The following TRPM6 variants were observed in gnomAD, a reference collection of about 807,000 sequenced individuals.
The protein encoded by TRPM6 is channel kinase 2.
TRPM6 carries 111 observed loss-of-function variants against 247.6 expected under a neutral mutation model. The ratio of observed to expected loss-of-function variants is 0.45; its 90% CI spans 0.38 to 0.52. The LOEUF is 0.52. TRPM6 is among the 20% of genes least tolerant of loss of function. The probability of loss-of-function intolerance (pLI) is 0.00; values close to 1 mark genes in which losing one functional copy is unlikely to be tolerated. For missense variants in TRPM6, 2,126 were observed against 2,421.5 expected (o/e 0.88, Z 2.56); for synonymous variants, 892 against 853.8 (o/e 1.04, Z -0.78).
intron 1 of TRPM6, among the ~76,000 whole-genome samples, chr9:74,859,888 C>T: frequency 6.6e-6 from 1 of 152,116 alleles, no homozygotes; most frequent in East Asian, 1.9e-4. Flanking sequence ...CACGTCAGTG[C>T]AGTCCCCACC....
At chr9:74,798,902 A>G (rs1413710518) in intron 17 of TRPM6, among the ~76,000 whole-genome samples, 1 of 152,200 alleles carries the variant, frequency 6.6e-6, no homozygotes, top group African/African-American at 2.4e-5. Context: ...GAATTCATTA[A>G]GTTCTCAGAA....
At chr9:74,752,832 G>T (rs928379946) in intron 28 of TRPM6, among the ~76,000 whole-genome samples, 4 of 152,066 alleles carry the variant, frequency 2.6e-5, no homozygotes, top group African/African-American at 9.7e-5. Context: ...AATAATAGAG[G>T]CCAGGCGCCG....
In TRPM6 at chr9:74,728,223, A is replaced by G. The variant is rs1304944329; in HGVS notation, c.5935+16T>C. The G allele has an allele frequency of 1.3e-6, 2 of 1,577,382 alleles. No individual in the cohort carries two copies. The highest frequency in any genetic ancestry group is 1.1e-5 in the South Asian group (1 of 90,234). On this transcript the variant is annotated intron_variant, in intron 38 of 38. Coordinates refer to ENST00000360774, the MANE Select transcript of TRPM6 (RefSeq NM_017662.5). ...GAGAGATTTACTTAGAGAAAAAAGA[A>G]CTGTTAGTGGCATACCCGGGAGTTT...
rs368851886 is a variant in TRPM6, at chr9:74,775,956, G to T, written c.3330C>A (p.His1110Gln). 65 of 1,614,080 alleles carry T rather than the reference G, an allele frequency of 4.0e-5. No homozygotes were observed. Among genetic ancestry groups the T allele is most frequent in the Admixed American group, 3.2e-4 (19 of 59,994 alleles). The change falls in exon 24 of 39, where the codon CAC (histidine) becomes CAA (glutamine). Residue 1110 changes from histidine (H) to glutamine (Q), a missense_variant. By Grantham distance (24) the His-to-Gln change is conservative. Transcript: ENST00000360774. Reference protein sequence around the residue: ...WLPPPLILLSHVGLLLRRLCC... With the variant: ...WLPPPLILLSQVGLLLRRLCC... ...ACAGGCGGCGGAGGAGAAGGCCCAC[G>T]TGGCTCAGCAGGATGAGAGGTGGGG... is the stretch of plus-strand genomic sequence containing the variant.
At chr9:74,731,793 G>T (rs139247995) in intron 37 of TRPM6, among the ~76,000 whole-genome samples, 26 of 151,722 alleles carry the variant, frequency 1.7e-4, no homozygotes, top group African/African-American at 6.3e-4. Context: ...ATGTATGCTG[G>T]CAGTTCTCAA....
At chr9:74,826,736 C>CTTTTTTTTTTTTTTTTT (rs561369498) in intron 7 of TRPM6, 1 of 52,074 alleles carries the variant, frequency 1.9e-5, no homozygotes, top group Admixed American at 2.2e-4. Flanking sequence ...CTTTTTCTTT[C>CTTTTTTTTTTTTTTTTT]TTTTTTTTTT....
chr9:74,728,491 A>G, intron 37 of TRPM6, 146 bp from the exon 38 acceptor site: 1 of 674,316 alleles, frequency 1.5e-6, no homozygotes, highest in Non-Finnish European at 2.6e-6. Flanking sequence ...GGGAAACAAC[A>G]ATGTTAGGTT....
Position 74,775,925 on chromosome 9 carries a change from G to A in TRPM6, c.3361C>T (p.His1121Tyr). 1 of 1,614,178 alleles carries A rather than the reference G, an allele frequency of 6.2e-7. No individual in the cohort carries two copies. Among genetic ancestry groups the A allele is most frequent in the East Asian group, 2.2e-5 (1 of 44,870 alleles). ...TCTTCTTGGTCGTGAGGAGCTCGAT[G>A]ACAGCACAGGCGGCGGAGGAGAAGG... ...VGLLLRRLCC[H>Y]RAPHDQEEGD... Residue 1121 changes from histidine (H) to tyrosine (Y), a missense_variant, in exon 24 of 39, where the codon CAT becomes TAT. Around this residue, in one of 3 missense-constraint regions of TRPM6, gnomAD observed 717 missense variants for 715.9 expected, o/e 1.00. Transcript: ENST00000360774.
intron 24 of TRPM6, 68 bp from the exon 25 acceptor site, chr9:74,771,903 C>T: frequency 6.9e-7 from 1 of 1,449,130 alleles, no homozygotes; most frequent in Non-Finnish European, 9.7e-7. Context: ...GCTTTTCTTC[C>T]ACTTGTATTG....
At chr9:74,775,765 G>A (rs866110502) in intron 24 of TRPM6, 118 bp downstream of exon 24, 1 of 1,019,444 alleles carries the variant, frequency 9.8e-7, no homozygotes, top group East Asian at 2.4e-5. Flanking sequence ...ATATTCTATT[G>A]TCAGGGAACT....
At chr9:74,872,679 A>T (rs1050372460) in intron 1 of TRPM6, among the ~76,000 whole-genome samples, 8 of 151,818 alleles carry the variant, frequency 5.3e-5, no homozygotes, top group Non-Finnish European at 1.0e-4. Context: ...TGTCTTGGCC[A>T]GGCTGATTTC....
At chr9:74,812,566 GAA>G (rs34491796) in intron 11 of TRPM6, 133 bp from the exon 12 acceptor site, 4,994 of 626,962 alleles carry the variant, frequency 8.0e-3, no homozygotes, top group Non-Finnish European at 8.9e-3. Context: ...AGTGGGTACA[GAA>G]AAAAAAAAAA....
intron 25 of TRPM6, among the ~76,000 whole-genome samples, chr9:74,766,488 T>C (rs781188079): frequency 6.6e-6 from 1 of 152,340 alleles, no homozygotes; most frequent in East Asian, 1.9e-4. Context: ...ACAATCATCA[T>C]GAAAATCACC....
intron 1 of TRPM6, among the ~76,000 whole-genome samples, chr9:74,886,065 A>T (rs1329731311): frequency 2.0e-5 from 3 of 152,218 alleles, no homozygotes; most frequent in African/African-American, 7.2e-5. Context: ...GCAAGATAAG[A>T]CCAAAATTTG....
intron 23 of TRPM6, among the ~76,000 whole-genome samples, chr9:74,781,253 G>A (rs1244390707): frequency 1.3e-5 from 2 of 151,948 alleles, no homozygotes; most frequent in African/African-American, 2.4e-5. Context: ...AGAAAACAGA[G>A]GGCCTGGCAC....
chr9:74,864,934 G>A (rs1366041856), intron 1 of TRPM6, among the ~76,000 whole-genome samples: 1 of 151,932 alleles, frequency 6.6e-6, no homozygotes, highest in African/African-American at 2.4e-5. Flanking sequence ...TTAGCCACGC[G>A]CAGTCGTGGG....
At chr9:74,821,946 C>T in intron 7 of TRPM6, 109 bp from the exon 8 acceptor site, 1 of 1,220,132 alleles carries the variant, frequency 8.2e-7, no homozygotes, top group Non-Finnish European at 1.2e-6. Context: ...ATGTTCATTC[C>T]TCACACTGGC....
At chr9:74,856,513 A>G (rs1830531486) in intron 2 of TRPM6, among the ~76,000 whole-genome samples, 2 of 151,718 alleles carry the variant, frequency 1.3e-5, no homozygotes, top group Admixed American at 1.3e-4. Context: ...AGGGAAGTCT[A>G]GTTAAAATAA....
intron 35 of TRPM6, among the ~76,000 whole-genome samples, 181 bp from the exon 36 acceptor site, chr9:74,738,793 C>T (rs1376037405): frequency 6.6e-6 from 1 of 152,032 alleles, no homozygotes; most frequent in Non-Finnish European, 1.5e-5. Context: ...TCTTTCCATG[C>T]TTACCCACCT....
Sources: allele counts gnomAD v4.1 joint callset (sites outside exome capture counted in the v4.1 genomes callset), GRCh38; gene constraint gnomAD v4.1.1; regional missense constraint gnomAD v4.1.1; transcripts MANE v1.5; gene names NCBI Gene and HGNC (gene_info 2026-07-23, HGNC 2026-07-21).